The following WWOX variants were observed in gnomAD, a reference collection of about 807,000 sequenced individuals.
WWOX encodes WW domain-containing oxidoreductase.
In WWOX, 69 loss-of-function variants were observed where a neutral mutation model predicts 46.2. The observed-to-expected ratio is 1.49, with a 90% CI of 1.23 to 1.82. The LOEUF (loss-of-function observed/expected upper bound fraction) is 1.82, where lower values mean the gene tolerates loss of function less well. WWOX is among the 40% of genes most tolerant of loss of function. The probability of loss-of-function intolerance (pLI) is 0.00; values close to 1 mark genes in which losing one functional copy is unlikely to be tolerated. For synonymous variants in WWOX, 359 were observed against 202.6 expected (o/e 1.77, Z -6.56); for missense variants, 919 against 542.6 (o/e 1.69, Z -6.89).
At chr16:78,391,939 G>T (rs537803167) in intron 6 of WWOX, among the ~76,000 whole-genome samples, 2 of 150,672 alleles carry the variant, frequency 1.3e-5, no homozygotes, top group East Asian at 3.9e-4. Flanking sequence ...TAGTTAATTT[G>T]TTTGAATCAG....
At chr16:78,437,049 C>T (rs1341431850) in intron 8 of WWOX, among the ~76,000 whole-genome samples, 1 of 152,146 alleles carries the variant, frequency 6.6e-6, no homozygotes, top group African/African-American at 2.4e-5. Flanking sequence ...TGCCTTTTAC[C>T]TTAGAGAGGG....
intron 5 of WWOX, among the ~76,000 whole-genome samples, chr16:78,164,694 A>G (rs1267837323): frequency 6.6e-6 from 1 of 152,202 alleles, no homozygotes; most frequent in African/African-American, 2.4e-5. Context: ...GTTGATGTTG[A>G]TACGTGTCTA....
At chr16:78,829,881 C>A (rs2051768718) in intron 8 of WWOX, among the ~76,000 whole-genome samples, 1 of 152,092 alleles carries the variant, frequency 6.6e-6, no homozygotes, top group Non-Finnish European at 1.5e-5. Context: ...TGTTGAGCAC[C>A]AGAGCAACCC....
chr16:78,736,489 A>T (rs2049094677), intron 8 of WWOX, among the ~76,000 whole-genome samples: 1 of 152,130 alleles, frequency 6.6e-6, no homozygotes, highest in African/African-American at 2.4e-5. Context: ...TGGTGTCTCA[A>T]AGTCTCACAT....
chr16:78,881,547 G>C (rs148186189), intron 8 of WWOX, among the ~76,000 whole-genome samples: 43 of 152,318 alleles, frequency 2.8e-4, no homozygotes, highest in Non-Finnish European at 4.9e-4. Context: ...TGCTGGAATA[G>C]TCTCTAACCT....
At chr16:78,356,152 A>C (rs894378621) in intron 5 of WWOX, among the ~76,000 whole-genome samples, 1 of 146,038 alleles carries the variant, frequency 6.8e-6, no homozygotes, top group African/African-American at 2.5e-5. Context: ...ATGCCACTGC[A>C]CTCCAGCTTG....
At chr16:78,793,225 A>T (rs2050653392) in intron 8 of WWOX, among the ~76,000 whole-genome samples, 1 of 152,034 alleles carries the variant, frequency 6.6e-6, no homozygotes, top group Admixed American at 6.6e-5. Context: ...ATGCCCAGCT[A>T]ATTTTTATAT....
intron 6 of WWOX, among the ~76,000 whole-genome samples, chr16:78,422,838 TACATATACACACACAC>T (rs1567563682): frequency 7.5e-4 from 72 of 96,466 alleles, no homozygotes; most frequent in African/African-American, 3.6e-3. Context: ...TATATATATA[TACATATACACACACAC>T]ACACACACAC....
chr16:79,040,692 G>A (rs1263754102), intron 8 of WWOX, among the ~76,000 whole-genome samples: 1 of 152,024 alleles, frequency 6.6e-6, no homozygotes, highest in Non-Finnish European at 1.5e-5. Context: ...CAGCTACCCT[G>A]CAAAAGAGTC....
At chr16:78,392,160 T>C (rs973958527) in intron 6 of WWOX, among the ~76,000 whole-genome samples, 13 of 152,072 alleles carry the variant, frequency 8.5e-5, no homozygotes, top group Non-Finnish European at 1.9e-4. Flanking sequence ...TGGGCAAGCA[T>C]AGGAAGCTGC....
chr16:79,179,174 C>T (rs146089056), intron 8 of WWOX, among the ~76,000 whole-genome samples: 13 of 152,326 alleles, frequency 8.5e-5, no homozygotes, highest in African/African-American at 2.4e-4. Flanking sequence ...ATTAAAAGTC[C>T]TGTCTTCCAA....
chr16:78,612,372 C>T (rs1265389690), intron 8 of WWOX, among the ~76,000 whole-genome samples: 1 of 152,194 alleles, frequency 6.6e-6, no homozygotes, highest in East Asian at 1.9e-4. Context: ...GAAGGAGGGC[C>T]CATCTCTTAC....
chr16:78,867,416 T>C (rs368111981), intron 8 of WWOX, among the ~76,000 whole-genome samples: 1 of 152,182 alleles, frequency 6.6e-6, no homozygotes, highest in Non-Finnish European at 1.5e-5. Context: ...TGACTCTTCA[T>C]AATCTAGAGC....
intron 8 of WWOX, among the ~76,000 whole-genome samples, chr16:78,805,760 A>G (rs190834427): frequency 2.6e-5 from 4 of 152,338 alleles, no homozygotes; most frequent in Non-Finnish European, 5.9e-5. Flanking sequence ...ATACGGCTAT[A>G]TCTCCATAGA....
chr16:78,513,068 A>C (rs564297914), intron 8 of WWOX, among the ~76,000 whole-genome samples: 1 of 152,184 alleles, frequency 6.6e-6, no homozygotes, highest in African/African-American at 2.4e-5. Context: ...TTAAGTAGTA[A>C]ACGTAATGAA....
At chr16:78,555,499 C>A (rs1368315957) in intron 8 of WWOX, among the ~76,000 whole-genome samples, 1 of 151,744 alleles carries the variant, frequency 6.6e-6, no homozygotes, top group Non-Finnish European at 1.5e-5. Flanking sequence ...GGGACAGTAG[C>A]AACATCGATG....
intron 8 of WWOX, among the ~76,000 whole-genome samples, chr16:79,140,801 T>A (rs775975005): frequency 1.7e-4 from 26 of 152,142 alleles, no homozygotes; most frequent in Non-Finnish European, 3.5e-4. Flanking sequence ...AGCTGACGTT[T>A]ATACTTCTGA....
intron 8 of WWOX, among the ~76,000 whole-genome samples, chr16:79,175,657 A>C (rs1204671503): frequency 6.6e-6 from 1 of 152,144 alleles, no homozygotes; most frequent in African/African-American, 2.4e-5. Flanking sequence ...ACGTGCTCTG[A>C]TTCTGATGAA....
chr16:78,646,043 T>C lies in WWOX; in HGVS notation c.1056+213291T>C, dbSNP rs2046832710. Among the ~76,000 whole-genome samples, 3 of 152,258 alleles carry C rather than the reference T, an allele frequency of 2.0e-5. No homozygotes were observed. In the South Asian group the frequency reaches 6.2e-4, roughly 32 times the overall value. On this transcript the variant is annotated intron_variant, in intron 8 of 8. Coordinates refer to ENST00000566780, the MANE Select transcript of WWOX (RefSeq NM_016373.4). ...GGTTTATTTGTGACCTTTTAGATCC[T>C]TTGTGACTGCATTGGTCTTCCTTGG...
Sources: allele counts gnomAD v4.1 joint callset (sites outside exome capture counted in the v4.1 genomes callset), GRCh38; gene constraint gnomAD v4.1.1; transcripts MANE v1.5; gene names NCBI Gene and HGNC (gene_info 2026-07-23, HGNC 2026-07-21).